The following DHX29 variants were observed in gnomAD, a reference collection of about 807,000 sequenced individuals.
DHX29 encodes the protein DExH-box helicase 29.
A neutral mutation model predicts 167.9 loss-of-function variants in DHX29; 79 were observed. That is an observed-to-expected ratio of 0.47 (90% CI 0.39 to 0.57). DHX29 has a LOEUF of 0.57. Ranked by LOEUF, DHX29 falls within the 20% of genes least tolerant of loss-of-function variation. The pLI is 0.00. For synonymous variants in DHX29, 530 were observed against 546.0 expected (o/e 0.97, Z 0.41); for missense variants, 1,347 against 1,593.4 (o/e 0.85, Z 2.63).
chr5:55,272,035 C>T (rs1746875732), intron 18 of DHX29, 52 bp downstream of exon 18: 1 of 1,065,212 alleles, frequency 9.4e-7, no homozygotes, highest in Non-Finnish European at 1.4e-6. Context: ...ATTCAAGAGC[C>T]CCAACCTCTT....
chr5:55,294,020 G>T lies in DHX29; in HGVS notation c.777C>A (p.Asp259Glu), dbSNP rs144722349. ...SKSLEEEEKF[D>E]PNERYLHLAA... is the part of the protein sequence containing the mutation. ...CCTAACACAAATTTCTACTCACAGG[G>T]TCAAATTTTTCCTCCTCTTCTAAAC... is the stretch of plus-strand genomic sequence containing the variant. The change falls in exon 6 of 27, where the codon GAC (aspartate) becomes GAA (glutamate). Residue 259 changes from aspartate to glutamate, a missense_variant. Coordinates refer to ENST00000251636, the MANE Select transcript of DHX29 (RefSeq NM_019030.4). 1.1e-4 allele frequency: 173 copies of T among 1,605,232 alleles called. No individual in the cohort carries two copies. The African/African-American group carries it at 1.9e-3, about 18-fold the overall frequency.
At chr5:55,302,603 A>G (rs1188644860) in intron 1 of DHX29, among the ~76,000 whole-genome samples, 5 of 152,054 alleles carry the variant, frequency 3.3e-5, no homozygotes, top group Non-Finnish European at 7.4e-5. Context: ...AAAAAAAAAA[A>G]AAAAAAAAAC....
chr5:55,257,197 A>G (rs916663882), intron 26 of DHX29, among the ~76,000 whole-genome samples: 1 of 152,198 alleles, frequency 6.6e-6, no homozygotes, highest in African/African-American at 2.4e-5. Context: ...GTTAACTCTG[A>G]AATTGTGACT....
chr5:55,270,525 A>C, intron 19 of DHX29, 38 bp from the exon 20 acceptor site: 3 of 1,613,286 alleles, frequency 1.9e-6, no homozygotes, highest in Non-Finnish European at 2.5e-6. Flanking sequence ...TATTATCAGA[A>C]ATGTCACACA....
At chr5:55,279,207 T>C (rs1344515470) in intron 12 of DHX29, among the ~76,000 whole-genome samples, 1 of 152,070 alleles carries the variant, frequency 6.6e-6, no homozygotes, top group Non-Finnish European at 1.5e-5. Context: ...AAAAGGACTA[T>C]ATGACTGGAT....
intron 1 of DHX29, among the ~76,000 whole-genome samples, chr5:55,304,919 G>T (rs1450477341): frequency 2.0e-5 from 3 of 152,064 alleles, no homozygotes; most frequent in Non-Finnish European, 4.4e-5. Flanking sequence ...TTTATTGTAC[G>T]TTATACTATA....
chr5:55,258,243 C>T (rs533452935), intron 26 of DHX29, among the ~76,000 whole-genome samples: 35 of 152,268 alleles, frequency 2.3e-4, no homozygotes, highest in African/African-American at 7.9e-4. Flanking sequence ...TTCCTCAAAA[C>T]TTATTCTAAT....
intron 15 of DHX29, 26 bp from the exon 16 acceptor site, chr5:55,274,757 T>C (rs1317041140): frequency 6.4e-7 from 1 of 1,570,020 alleles, no homozygotes. Context: ...AGATACAATA[T>C]TCAAAATAAG....
chr5:55,267,104 T>C, intron 23 of DHX29, 34 bp downstream of exon 23: 1 of 1,393,364 alleles, frequency 7.2e-7, no homozygotes, highest in East Asian at 2.3e-5. Flanking sequence ...TAGTTACCCA[T>C]GACTCTGAGT....
chr5:55,279,998 A>C (rs752343758), intron 12 of DHX29, among the ~76,000 whole-genome samples: 15 of 152,178 alleles, frequency 9.9e-5, no homozygotes, highest in Admixed American at 4.6e-4. Context: ...AGCAGCCATC[A>C]AGAAAACCTA....
rs575263595 is a variant in DHX29, at chr5:55,277,893, A to G, written c.2110-611T>C. 2.3e-4 allele frequency among the ~76,000 whole-genome samples: 33 copies of G among 146,374 alleles called. No homozygotes were observed. In the South Asian group the frequency reaches 7.4e-3, roughly 33 times the overall value. On this transcript the variant is annotated intron_variant, in intron 12 of 26. Coordinates refer to ENST00000251636, the MANE Select transcript of DHX29 (RefSeq NM_019030.4). Reference sequence around the variant, plus strand: ...TGCATTCCAGCCTGGGCGACAGAGTAAGACTCTATCTCAAAAAAAAAAAAA... The same window carrying G: ...TGCATTCCAGCCTGGGCGACAGAGTGAGACTCTATCTCAAAAAAAAAAAAA...
Position 55,261,393 on chromosome 5 carries a change from G to C in DHX29, c.3935C>G (p.Ser1312Cys). 1 of 1,580,986 alleles carries C rather than the reference G, an allele frequency of 6.3e-7. No individual in the cohort carries two copies. The highest frequency in any genetic ancestry group is 8.7e-7 in the Non-Finnish European group (1 of 1,153,818). The change falls in exon 25 of 27, where the codon TCT becomes TGT. Residue 1312 changes from serine to cysteine, a missense_variant. Around this residue, in one of 3 missense-constraint regions of DHX29, gnomAD observed 882 missense variants for 1,082.4 expected, o/e 0.81. Coordinates refer to ENST00000251636, the MANE Select transcript of DHX29 (RefSeq NM_019030.4). ...CTGAAAATAGATCCAGCCATCAATA[G>C]AAAGAAGACGTTCTCGGTGCTGAAC... Reference protein sequence around the residue: ...IEVQHRERLLSIDGWIYFQAP... With the variant: ...IEVQHRERLLCIDGWIYFQAP...
At chr5:55,296,543 C>G (rs564405731) in intron 3 of DHX29, among the ~76,000 whole-genome samples, 194 bp from the exon 4 acceptor site, 37 of 152,124 alleles carry the variant, frequency 2.4e-4, no homozygotes, top group South Asian at 2.1e-4. Context: ...AAAAAGAGAA[C>G]CAGGAGAAAT....
At chr5:55,277,749 T>C (rs1194627019) in intron 12 of DHX29, among the ~76,000 whole-genome samples, 1 of 151,532 alleles carries the variant, frequency 6.6e-6, no homozygotes, top group Non-Finnish European at 1.5e-5. Context: ...CTACTAAAAA[T>C]ACAAAAATTA....
chr5:55,269,338 C>A, intron 21 of DHX29, 75 bp downstream of exon 21: 2 of 1,444,178 alleles, frequency 1.4e-6, no homozygotes, highest in South Asian at 1.3e-5. Context: ...TTTTACTTAA[C>A]AATTGTTTCC....
chr5:55,282,097 GTTCTT>G (rs892759386), intron 11 of DHX29, among the ~76,000 whole-genome samples: 22 of 152,002 alleles, frequency 1.4e-4, no homozygotes, highest in Admixed American at 3.9e-4. Flanking sequence ...CAAAATTTTT[GTTCTT>G]TTCAAGATGT....
chr5:55,256,598 G>A, intron 26 of DHX29, 58 bp from the exon 27 acceptor site: 1 of 1,510,614 alleles, frequency 6.6e-7, no homozygotes. Context: ...AATTTTCCAA[G>A]GTATGCACAT....
chr5:55,285,336 T>C lies in DHX29; in HGVS notation c.1313A>G (p.His438Arg). The change falls in exon 10 of 27, where the codon CAC (histidine) becomes CGC (arginine). Residue 438 changes from histidine to arginine, a missense_variant. Physicochemically the swap from His to Arg is conservative, Grantham distance 29. Coordinates refer to ENST00000251636, the MANE Select transcript of DHX29 (RefSeq NM_019030.4). ...ILTEDGMQAQ[H>R]LGATLALYRL... ...GTAAAGGGCTAAAGTAGCTCCCAGG[T>C]GCTGAGCTTGCATGCCATCTTCTGT... 1 of 1,613,974 alleles carries C rather than the reference T, an allele frequency of 6.2e-7. No homozygotes were observed. Among genetic ancestry groups the C allele is most frequent in the Non-Finnish European group, 8.5e-7 (1 of 1,180,006 alleles).
chr5:55,268,182 T>C lies in DHX29; in HGVS notation c.3295-360A>G, dbSNP rs1746677621. ...GTCTGTCATACAGTTAGAGGCAATCTGGGAATCCTAACTCAGTTATCTTGG... is the reference window on the plus strand; with the variant it reads ...GTCTGTCATACAGTTAGAGGCAATCCGGGAATCCTAACTCAGTTATCTTGG... On this transcript the variant is annotated intron_variant, in intron 21 of 26. Transcript: ENST00000251636. 3.3e-5 allele frequency among the ~76,000 whole-genome samples: 5 copies of C among 152,308 alleles called. No homozygotes were observed. The South Asian group carries it at 1.0e-3, about 32-fold the overall frequency.
Sources: allele counts gnomAD v4.1 joint callset (sites outside exome capture counted in the v4.1 genomes callset), GRCh38; gene constraint gnomAD v4.1.1; regional missense constraint gnomAD v4.1.1; transcripts MANE v1.5; gene names NCBI Gene and HGNC (gene_info 2026-07-23, HGNC 2026-07-21).